Variants in PPFIA1 observed in about 807,000 individuals in gnomAD.
PPFIA1 encodes liprin-alpha-1.
PPFIA1 carries 25 observed loss-of-function variants against 149.9 expected under a neutral mutation model. The observed-to-expected ratio is 0.17, with a 90% CI of 0.12 to 0.23. The LOEUF (loss-of-function observed/expected upper bound fraction) is 0.23, where lower values mean the gene tolerates loss of function less well. Ranked by LOEUF, PPFIA1 falls within the 10% of genes least tolerant of loss-of-function variation. The probability of loss-of-function intolerance (pLI) is 1.00; values close to 1 mark genes in which losing one functional copy is unlikely to be tolerated. For missense variants in PPFIA1, 1,362 were observed against 1,506.5 expected (o/e 0.90, Z 1.59); for synonymous variants, 549 against 552.8 (o/e 0.99, Z 0.10).
At chr11:70,297,109 G>C (rs1213207133) in intron 2 of PPFIA1, among the ~76,000 whole-genome samples, 1 of 152,152 alleles carries the variant, frequency 6.6e-6, no homozygotes, top group African/African-American at 2.4e-5. Flanking sequence ...GTGATCAATA[G>C]AAAACAAAAC....
chr11:70,364,510 C>G (rs1032856152), intron 21 of PPFIA1: 1 of 152,174 alleles, frequency 6.6e-6, no homozygotes, highest in Non-Finnish European at 1.5e-5. Context: ...CCAAGGAGCA[C>G]GTCAGCGCTG....
At chr11:70,306,418 A>G (rs915969445) in intron 2 of PPFIA1, among the ~76,000 whole-genome samples, 3 of 152,194 alleles carry the variant, frequency 2.0e-5, no homozygotes, top group Non-Finnish European at 2.9e-5. Context: ...TCTCCTTTTA[A>G]TAGTATTTTA....
intron 9 of PPFIA1, chr11:70,332,985 C>T: frequency 2.2e-6 from 1 of 453,066 alleles, no homozygotes; most frequent in Non-Finnish European, 4.5e-6. Context: ...TTTCTTTTCT[C>T]CCCTGTTATC....
At position 70,296,024 on chromosome 11, in the gene PPFIA1, C is replaced by T. The variant is rs533932911; in HGVS notation, c.264+23588C>T. On this transcript the variant is annotated intron_variant, in intron 2 of 27. Transcript: ENST00000253925. ...AGACGGGGTCGCGACCGGGCAGAGG[C>T]GCTCCTCACATCCCAGACGGGGCGT... 4.5e-3 allele frequency among the ~76,000 whole-genome samples: 678 copies of T among 151,040 alleles called. 2 individuals are homozygous for T. The highest frequency in any genetic ancestry group is 6.3e-3 in the Non-Finnish European group (428 of 67,672).
chr11:70,344,116 T>C (rs1399831368), intron 15 of PPFIA1, among the ~76,000 whole-genome samples: 1 of 152,254 alleles, frequency 6.6e-6, no homozygotes, highest in Non-Finnish European at 1.5e-5. Context: ...CACTAGTACC[T>C]TTCTGTAGGA....
intron 15 of PPFIA1, among the ~76,000 whole-genome samples, chr11:70,346,854 T>TG (rs2055733716): frequency 6.6e-6 from 1 of 152,224 alleles, no homozygotes; most frequent in Admixed American, 6.5e-5. Flanking sequence ...GAAGGGTTAT[T>TG]GCAAGGTTTC....
chr11:70,376,900 C>A (rs1416366960), intron 25 of PPFIA1, among the ~76,000 whole-genome samples: 1 of 152,092 alleles, frequency 6.6e-6, no homozygotes, highest in Non-Finnish European at 1.5e-5. Context: ...GGTGAAACCC[C>A]ATCTCTACTA....
At chr11:70,294,917 A>T (rs2051802700) in intron 2 of PPFIA1, among the ~76,000 whole-genome samples, 1 of 151,814 alleles carries the variant, frequency 6.6e-6, no homozygotes, top group African/African-American at 2.4e-5. Flanking sequence ...AATTTTTCTT[A>T]GTACAGAACA....
intron 16 of PPFIA1, among the ~76,000 whole-genome samples, chr11:70,351,642 C>G (rs960736180): frequency 7.9e-5 from 12 of 152,154 alleles, no homozygotes; most frequent in African/African-American, 2.9e-4. Context: ...TTTTGAATAT[C>G]AGATTTTTGG....
intron 21 of PPFIA1, among the ~76,000 whole-genome samples, chr11:70,370,226 G>A (rs147675778): frequency 6.6e-4 from 100 of 152,028 alleles, no homozygotes; most frequent in African/African-American, 2.4e-3. Context: ...TATCTAGTCC[G>A]GCTAGGGTTT....
chr11:70,325,664 G>T, intron 5 of PPFIA1, 90 bp downstream of exon 5: 1 of 1,018,568 alleles, frequency 9.8e-7, no homozygotes, highest in Non-Finnish European at 1.5e-6. Flanking sequence ...AGACGTGGTG[G>T]CTCACACCTG....
chr11:70,328,662 C>T (rs537582152), intron 7 of PPFIA1, among the ~76,000 whole-genome samples: 15 of 152,138 alleles, frequency 9.9e-5, no homozygotes, highest in African/African-American at 1.4e-4. Context: ...CTGTCTTCCA[C>T]GATGGTTGAA....
intron 15 of PPFIA1, among the ~76,000 whole-genome samples, chr11:70,346,674 T>A (rs1316732563): frequency 6.6e-6 from 1 of 152,182 alleles, no homozygotes; most frequent in East Asian, 1.9e-4. Context: ...GGGAAAGGAT[T>A]ATATACCTTT....
chr11:70,275,453 A>G (rs542316116), intron 2 of PPFIA1, among the ~76,000 whole-genome samples: 22 of 152,176 alleles, frequency 1.4e-4, no homozygotes, highest in Non-Finnish European at 3.1e-4. Flanking sequence ...CAGTTGATCC[A>G]TCTTTTCAGT....
At chr11:70,338,684 T>A (rs558350416) in intron 13 of PPFIA1, among the ~76,000 whole-genome samples, 1 of 152,368 alleles carries the variant, frequency 6.6e-6, no homozygotes, top group African/African-American at 2.4e-5. Flanking sequence ...AATATTTGGA[T>A]ATCTTAATTT....
intron 17 of PPFIA1, among the ~76,000 whole-genome samples, chr11:70,354,694 A>G (rs145714528): frequency 6.6e-6 from 1 of 152,232 alleles, no homozygotes; most frequent in East Asian, 1.9e-4. Context: ...GTTAAATGAT[A>G]TCAGCAAGTT....
At chr11:70,290,894 C>T (rs2051479031) in intron 2 of PPFIA1, among the ~76,000 whole-genome samples, 1 of 152,090 alleles carries the variant, frequency 6.6e-6, no homozygotes, top group Admixed American at 6.6e-5. Flanking sequence ...CTCTTGAAAT[C>T]TCTTTTTTTT....
chr11:70,276,386 C>T (rs1190316826), intron 2 of PPFIA1, among the ~76,000 whole-genome samples: 2 of 151,864 alleles, frequency 1.3e-5, no homozygotes, highest in African/African-American at 2.4e-5. Context: ...ATAATTCCAA[C>T]CTGATCTTGA....
Position 70,362,378 on chromosome 11 carries a change from A to C in PPFIA1, c.2755A>C (p.Ile919Leu), listed in dbSNP as rs760645629. The C allele has an allele frequency of 2.5e-6, 4 of 1,614,176 alleles. No homozygotes were observed. The highest frequency in any genetic ancestry group is 3.4e-6 in the Non-Finnish European group (4 of 1,180,038). The change falls in exon 21 of 28, where the codon ATC (isoleucine) becomes CTC (leucine). Residue 919 changes from isoleucine (I) to leucine (L), a missense_variant. Transcript: ENST00000253925. The stretch of plus-strand genomic sequence containing the variant: ...CATGTCGGCCCTGTCCGACACAGAG[A>C]TCCAGCGTGAGATTGGCATCAGCAA... ...AIMSALSDTEIQREIGISNPL... is the reference protein window; with the variant it reads ...AIMSALSDTELQREIGISNPL...
Sources: allele counts gnomAD v4.1 joint callset (sites outside exome capture counted in the v4.1 genomes callset), GRCh38; gene constraint gnomAD v4.1.1; transcripts MANE v1.5; gene names NCBI Gene and HGNC (gene_info 2026-07-23, HGNC 2026-07-21).